CABLES1: variants seen among roughly 807,000 people sequenced by gnomAD.
The protein encoded by CABLES1 is Cdk5 and Abl enzyme substrate 1, also known as CDK5 and ABL1 enzyme substrate 1.
A neutral mutation model predicts 57.8 loss-of-function variants in CABLES1; 36 were observed. That is an observed-to-expected ratio of 0.62 (90% CI 0.48 to 0.82). The LOEUF (loss-of-function observed/expected upper bound fraction) is 0.82, where lower values mean the gene tolerates loss of function less well. Ranked by LOEUF, CABLES1 falls within the 40% of genes least tolerant of loss-of-function variation. CABLES1 has a pLI of 0.00. For synonymous variants in CABLES1, 374 were observed against 363.0 expected, an observed-to-expected ratio of 1.03 and a Z score of -0.35; for missense variants, 767 against 836.6, an observed-to-expected ratio of 0.92 and a Z score of 1.03.
chr18:23,156,542 C>A (rs1367038203), intron 1 of CABLES1, among the ~76,000 whole-genome samples: 1 of 152,168 alleles, frequency 6.6e-6, no homozygotes, highest in South Asian at 2.1e-4. Context: ...CTCATTACCC[C>A]CAGTAGTTTG....
chr18:23,185,946 T>C (rs554638074), intron 1 of CABLES1, among the ~76,000 whole-genome samples: 5 of 152,336 alleles, frequency 3.3e-5, no homozygotes, highest in African/African-American at 9.6e-5. Flanking sequence ...GCCTTCTGGC[T>C]GTAGGGAGAC....
At chr18:23,155,819 C>A in intron 1 of CABLES1, 1 of 1,604,364 alleles carries the variant, frequency 6.2e-7, no homozygotes, top group Non-Finnish European at 8.5e-7. Flanking sequence ...GCTTGCTTAG[C>A]CTCCAGGCCA....
intron 7 of CABLES1, among the ~76,000 whole-genome samples, chr18:23,248,512 CTTTTTTTTTTTTTTTTTTTTT>C (rs59555750): frequency 1.1e-5 from 1 of 90,714 alleles, no homozygotes; most frequent in Non-Finnish European, 2.1e-5. Context: ...GACCCTATGT[CTTTTTTTTTTTTTTTTTTTTT>C]TTTTTAAAAA....
chr18:23,235,298 G>T (rs1443502477), intron 5 of CABLES1, among the ~76,000 whole-genome samples: 1 of 152,230 alleles, frequency 6.6e-6, no homozygotes, highest in Non-Finnish European at 1.5e-5. Flanking sequence ...TCTGTCCCGG[G>T]GTAGTTTGTT....
chr18:23,215,945 G>C (rs1310414711), intron 4 of CABLES1, among the ~76,000 whole-genome samples: 1 of 151,908 alleles, frequency 6.6e-6, no homozygotes, highest in Non-Finnish European at 1.5e-5. Flanking sequence ...TAGTAGAGAC[G>C]GGGTTTCACC....
rs751309009 is a variant in CABLES1, at chr18:23,200,523, A to G, written c.1010+5983A>G. Among the ~76,000 whole-genome samples, 3 of 152,200 alleles carry G rather than the reference A, an allele frequency of 2.0e-5. No individual in the cohort carries two copies. In the East Asian group the frequency reaches 5.8e-4, roughly 29 times the overall value. ...GTGATCCGCCCGCCTTGGCCTCCCA[A>G]AGTGCTGGGATTACAGGCGTGAGCC... On this transcript the variant is annotated intron_variant, in intron 3 of 9. Coordinates refer to ENST00000256925, the MANE Select transcript of CABLES1 (RefSeq NM_001100619.3).
chr18:23,155,838 C>T, intron 1 of CABLES1: 1 of 1,608,630 alleles, frequency 6.2e-7, no homozygotes, highest in Admixed American at 1.7e-5. Context: ...CATTTTTCTT[C>T]CTGGTGTTTG....
intron 3 of CABLES1, 90 bp from the exon 4 acceptor site, chr18:23,213,878 TATGAATGCC>T (rs1461118239): frequency 2.7e-6 from 2 of 749,916 alleles, no homozygotes; most frequent in South Asian, 1.8e-5. Flanking sequence ...CAAATACTGC[TATGAATGCC>T]ATGAATGCTT....
chr18:23,136,741 C>T lies in CABLES1; in HGVS notation c.845+134C>T, dbSNP rs1484660748. 4 of 560,852 alleles carry T rather than the reference C, an allele frequency of 7.1e-6. No individual in the cohort carries two copies. The East Asian group carries it at 1.4e-4, about 20-fold the overall frequency. The allele number at this position is 560,852 out of a possible 1,614,324, so 34.7% of individuals were successfully genotyped here. ...CCCTGCCGGATCCTGTGCTCCGGGC[C>T]CGAATCCCAAACCACGAGGGCACCC... is the stretch of plus-strand genomic sequence containing the variant. On this transcript the variant is annotated intron_variant, in intron 1 of 9. Transcript: ENST00000256925.
At chr18:23,194,283 C>T (rs1010342452) in intron 2 of CABLES1, among the ~76,000 whole-genome samples, 165 bp from the exon 3 acceptor site, 1 of 152,004 alleles carries the variant, frequency 6.6e-6, no homozygotes, top group Non-Finnish European at 1.5e-5. Flanking sequence ...CTTTTTTAAG[C>T]TTCCTTGCTT....
intron 4 of CABLES1, chr18:23,219,298 C>T (rs1216901483): frequency 2.2e-6 from 1 of 454,004 alleles, no homozygotes. Context: ...AATCATCAAA[C>T]AAAATAGCAA....
At chr18:23,159,165 AT>A (rs2046985481) in intron 1 of CABLES1, among the ~76,000 whole-genome samples, 1 of 152,220 alleles carries the variant, frequency 6.6e-6, no homozygotes, top group Non-Finnish European at 1.5e-5. Context: ...GGGTTTCGCC[AT>A]GTTGGCCAGG....
At chr18:23,196,521 C>CGAGAGCTGATGAATGAGAGGACAT (rs2047283953) in intron 3 of CABLES1, among the ~76,000 whole-genome samples, 1 of 152,128 alleles carries the variant, frequency 6.6e-6, no homozygotes, top group Non-Finnish European at 1.5e-5. Context: ...AAATTGTAGT[C>CGAGAGCTGATGAATGAGAGGACAT]GAGAGCTGAT....
At chr18:23,151,092 C>T (rs1254056569) in intron 1 of CABLES1, among the ~76,000 whole-genome samples, 1 of 146,962 alleles carries the variant, frequency 6.8e-6, no homozygotes, top group Non-Finnish European at 1.5e-5. Context: ...GATCTCGGCT[C>T]ACTGCAAGCT....
chr18:23,193,277 G>T (rs969750093), intron 2 of CABLES1, among the ~76,000 whole-genome samples: 19 of 150,478 alleles, frequency 1.3e-4, no homozygotes, highest in African/African-American at 4.7e-4. Flanking sequence ...TTGCAACCTC[G>T]GCCTCCCGGG....
intron 9 of CABLES1, 49 bp downstream of exon 9, chr18:23,253,985 G>A (rs781270031): frequency 6.5e-7 from 1 of 1,531,164 alleles, no homozygotes; most frequent in South Asian, 1.1e-5. Flanking sequence ...CTCCGGTCCG[G>A]GGTTCCTCTC....
chr18:23,190,798 G>A (rs1024568687), intron 2 of CABLES1, among the ~76,000 whole-genome samples: 6 of 151,990 alleles, frequency 3.9e-5, no homozygotes, highest in African/African-American at 1.2e-4. Context: ...GTTCTCAGCC[G>A]GGTGCAGTGG....
intron 3 of CABLES1, among the ~76,000 whole-genome samples, chr18:23,203,615 T>C (rs2047342027): frequency 6.6e-6 from 1 of 151,998 alleles, no homozygotes; most frequent in Non-Finnish European, 1.5e-5. Flanking sequence ...GGGTCATAAC[T>C]AAATTAAGAC....
chr18:23,237,149 C>A lies in CABLES1; in HGVS notation c.1350C>A (p.Asp450Glu). The A allele has an allele frequency of 6.2e-7, 1 of 1,606,768 alleles. No individual in the cohort carries two copies. Among genetic ancestry groups the A allele is most frequent in the Non-Finnish European group, 8.5e-7 (1 of 1,173,276 alleles). Residue 450 changes from aspartate (D) to glutamate (E), a missense_variant, in exon 7 of 10, where the codon GAC (aspartate) becomes GAA (glutamate). Physicochemically the swap from Asp to Glu is conservative, Grantham distance 45. Transcript: ENST00000256925. The part of the protein sequence containing the change: ...GTQGSLDTGS[D>E]LGDFMDYDPN... The stretch of plus-strand genomic sequence containing the variant: ...TTTGCATGTGATCTTCAGGTAGTGA[C>A]CTGGGAGACTTTATGGACTATGACC...
Sources: gnomAD v4.1 joint callset for allele counts (sites outside exome capture counted in the v4.1 genomes callset) on GRCh38, gnomAD v4.1.1 for gene constraint, MANE v1.5 for transcripts, NCBI Gene and HGNC (gene_info 2026-07-23, HGNC 2026-07-21) for gene names.